The following RFX7 variants were observed in gnomAD, a reference collection of about 807,000 sequenced individuals.
RFX7 encodes regulatory factor X7.
In RFX7, 26 loss-of-function variants were observed where a neutral mutation model predicts 111.8. The observed-to-expected ratio is 0.23, with a 90% CI of 0.17 to 0.32. The LOEUF is 0.32. RFX7 is among the 10% of genes least tolerant of loss of function. The pLI, the probability that RFX7 is intolerant of heterozygous loss-of-function variation, is 1.00. For synonymous variants in RFX7, 624 were observed against 624.4 expected (o/e 1.00, Z 0.01); for missense variants, 1,573 against 1,772.9 (o/e 0.89, Z 2.02).
chr15:56,224,879 T>C (rs928963883), intron 2 of RFX7, among the ~76,000 whole-genome samples: 1 of 152,108 alleles, frequency 6.6e-6, no homozygotes, highest in African/African-American at 2.4e-5. Flanking sequence ...TTGATAACTG[T>C]TAGGGGTTGA....
chr15:56,093,951 G>A lies in RFX7; in HGVS notation c.3777C>T (p.Ser1259=), dbSNP rs530828733. Residue 1259 remains serine (S), a synonymous_variant, in exon 10 of 10, where the codon TCC becomes TCT. Coordinates refer to ENST00000559447, the MANE Select transcript of RFX7 (RefSeq NM_022841.7). ...AACCTCTCACTGCATCATCATTGTC[G>A]GAATCAAGTTTACTCAACAAAACAT... ...ITNVLLSKLD[S]DNDDAVRGLG... is the part of the protein sequence containing the mutation. 18 of 1,613,896 alleles carry A rather than the reference G, an allele frequency of 1.1e-5. No homozygotes were observed. Among genetic ancestry groups the A allele is most frequent in the African/African-American group, 1.3e-5 (1 of 75,020 alleles).
chr15:56,174,652 A>G (rs1237026563), intron 3 of RFX7, among the ~76,000 whole-genome samples: 2 of 151,886 alleles, frequency 1.3e-5, no homozygotes, highest in African/African-American at 4.8e-5. Flanking sequence ...GAGGCTGAGG[A>G]AGGAGAATCG....
At chr15:56,159,387 G>C (rs938876857) in intron 3 of RFX7, among the ~76,000 whole-genome samples, 2 of 152,154 alleles carry the variant, frequency 1.3e-5, no homozygotes, top group Non-Finnish European at 2.9e-5. Flanking sequence ...TACCACAAGA[G>C]CAAGAGTCCT....
At chr15:56,110,031 C>CG (rs1484373550) in intron 5 of RFX7, among the ~76,000 whole-genome samples, 1 of 134,170 alleles carries the variant, frequency 7.5e-6, no homozygotes, top group African/African-American at 2.8e-5. Context: ...TGCCCGGCCG[C>CG]CCCTACTGGA....
chr15:56,125,320 T>C (rs2042128772), intron 5 of RFX7, among the ~76,000 whole-genome samples: 1 of 152,180 alleles, frequency 6.6e-6, no homozygotes, highest in African/African-American at 2.4e-5. Context: ...GGTTAGCATT[T>C]TTTGGCAATT....
At chr15:56,190,413 T>G (rs2043088332) in intron 2 of RFX7, among the ~76,000 whole-genome samples, 1 of 152,204 alleles carries the variant, frequency 6.6e-6, no homozygotes. Flanking sequence ...AGCCCATATC[T>G]AGACACTAAT....
At position 56,094,875 on chromosome 15, in the gene RFX7, T is replaced by G; in HGVS notation, c.2853A>C (p.Thr951=). 1 of 1,550,402 alleles carries G rather than the reference T, an allele frequency of 6.4e-7. No individual in the cohort carries two copies. Among genetic ancestry groups the G allele is most frequent in the Non-Finnish European group, 8.7e-7 (1 of 1,146,788 alleles). ...NGTPIHTPTP[T]PTPTPTPTPT... ...GGGTTGGAGTAGGAGTGGGTGTGGG[T>G]GTGGGTGTGGGTGTGTGGATTGGAG... Residue 951 remains threonine, a synonymous_variant, in exon 10 of 10, where the codon ACA becomes ACC. Coordinates refer to ENST00000559447, the MANE Select transcript of RFX7 (RefSeq NM_022841.7).
chr15:56,206,485 A>G (rs188578701), intron 2 of RFX7, among the ~76,000 whole-genome samples: 1 of 152,316 alleles, frequency 6.6e-6, no homozygotes, highest in Admixed American at 6.5e-5. Flanking sequence ...CATATTATCC[A>G]GCAATCCCAC....
intron 5 of RFX7, among the ~76,000 whole-genome samples, chr15:56,104,557 C>T (rs1195239747): frequency 6.6e-6 from 1 of 152,198 alleles, no homozygotes; most frequent in Admixed American, 6.6e-5. Context: ...ATGAAAACAA[C>T]TGGAACACAT....
chr15:56,233,553 G>T (rs377613727), intron 2 of RFX7, among the ~76,000 whole-genome samples: 1 of 152,240 alleles, frequency 6.6e-6, no homozygotes, highest in South Asian at 2.1e-4. Flanking sequence ...TACTGGACAC[G>T]AGGATGAGAG....
At chr15:56,125,212 T>G (rs954556218) in intron 5 of RFX7, among the ~76,000 whole-genome samples, 1 of 152,212 alleles carries the variant, frequency 6.6e-6, no homozygotes, top group Non-Finnish European at 1.5e-5. Context: ...ATGGTCTATA[T>G]GTGTGCTTTT....
Position 56,235,270 on chromosome 15 carries a change from G to T in RFX7, c.161+7855C>A, listed in dbSNP as rs28740862. On this transcript the variant is annotated intron_variant, in intron 2 of 9. Transcript: ENST00000559447. ...CTCACTGCAGCCCCTGCTTTTCCCA[G>T]GTTCAAGCGATTCTCCTGCCTCAGC... is the stretch of plus-strand genomic sequence containing the variant. Among the ~76,000 whole-genome samples the T allele has an allele frequency of 4.4e-3, 674 of 151,956 alleles. 6 individuals carry two copies. The highest frequency in any genetic ancestry group is 0.016 in the African/African-American group (650 of 41,466).
Position 56,101,274 on chromosome 15 carries a change from C to A in RFX7, c.811+85G>T. On this transcript the variant is annotated intron_variant, in intron 8 of 9. Coordinates refer to ENST00000559447, the MANE Select transcript of RFX7 (RefSeq NM_022841.7). ...ATGCAAGTACTAAAAGGATGAAGTT[C>A]TTTGATCTAACTCTTCTTTTGCTAC... 2 of 1,154,780 alleles carry A rather than the reference C, an allele frequency of 1.7e-6. 1 individual carries two copies. Among genetic ancestry groups the A allele is most frequent in the South Asian group, 2.8e-5 (2 of 72,104 alleles). 71.5% of individuals were successfully genotyped at this position (1,154,780 alleles called of 1,614,324 possible).
At chr15:56,236,144 G>A (rs2043620852) in intron 2 of RFX7, among the ~76,000 whole-genome samples, 1 of 152,106 alleles carries the variant, frequency 6.6e-6, no homozygotes, top group Non-Finnish European at 1.5e-5. Flanking sequence ...TGATAGAGAG[G>A]TTGTACATAA....
chr15:56,194,436 CTT>C (rs1226648118), intron 2 of RFX7, among the ~76,000 whole-genome samples: 14 of 152,098 alleles, frequency 9.2e-5, no homozygotes, highest in African/African-American at 3.4e-4. Flanking sequence ...AAATCAAACT[CTT>C]AGCTTCTACC....
intron 2 of RFX7, among the ~76,000 whole-genome samples, chr15:56,203,327 A>G (rs2043213474): frequency 6.6e-6 from 1 of 152,244 alleles, no homozygotes. Flanking sequence ...CCCACAGAGA[A>G]AGTGGCTAAT....
intron 3 of RFX7, among the ~76,000 whole-genome samples, chr15:56,147,355 T>C (rs1311700730): frequency 6.6e-6 from 1 of 152,186 alleles, no homozygotes; most frequent in Non-Finnish European, 1.5e-5. Flanking sequence ...CATGTGATTC[T>C]GTTTATATTA....
chr15:56,243,320 TG>T (rs2043734568), intron 1 of RFX7, 33 bp from the exon 2 acceptor site: 10 of 652,304 alleles, frequency 1.5e-5, no homozygotes, highest in Non-Finnish European at 1.8e-5. Context: ...GAGGGAAAGA[TG>T]GGGGCGCGGG....
intron 5 of RFX7, among the ~76,000 whole-genome samples, chr15:56,109,469 C>T (rs550045970): frequency 8.5e-5 from 13 of 152,304 alleles, no homozygotes; most frequent in East Asian, 1.9e-4. Flanking sequence ...GGCCGCCACC[C>T]GGTCTGGGAG....
Sources: allele counts gnomAD v4.1 joint callset (sites outside exome capture counted in the v4.1 genomes callset), GRCh38; gene constraint gnomAD v4.1.1; transcripts MANE v1.5; gene names NCBI Gene and HGNC (gene_info 2026-07-23, HGNC 2026-07-21).